The following DLGAP2 variants were observed in gnomAD, a reference collection of about 807,000 sequenced individuals.
DLGAP2 encodes disks large-associated protein 2.
Under a neutral mutation model 100.3 loss-of-function variants are expected in DLGAP2, and 26 were observed. That is an observed-to-expected ratio of 0.26 (90% CI 0.19 to 0.36). The LOEUF (loss-of-function observed/expected upper bound fraction) is 0.36, where lower values mean the gene tolerates loss of function less well. DLGAP2 is among the 10% of genes least tolerant of loss of function. The pLI, the probability that DLGAP2 is intolerant of heterozygous loss-of-function variation, is 1.00. For missense variants in DLGAP2, 1,858 were observed against 1,453.2 expected (o/e 1.28, Z -4.53); for synonymous variants, 886 against 630.1 (o/e 1.41, Z -6.08).
At chr8:1,242,230 C>T (rs1798812308) in intron 2 of DLGAP2, among the ~76,000 whole-genome samples, 1 of 152,120 alleles carries the variant, frequency 6.6e-6, no homozygotes, top group Non-Finnish European at 1.5e-5. Flanking sequence ...CTGAGAGAGG[C>T]CTGATGTGTT....
intron 3 of DLGAP2, among the ~76,000 whole-genome samples, chr8:1,280,294 G>C (rs752434542): frequency 6.6e-5 from 10 of 152,158 alleles, no homozygotes; most frequent in Non-Finnish European, 1.2e-4. Flanking sequence ...TAGCCGGGCT[G>C]TACTCGTAAC....
intron 4 of DLGAP2, among the ~76,000 whole-genome samples, chr8:1,535,018 GTTCAT>G (rs1554492657): frequency 6.6e-6 from 1 of 152,218 alleles, no homozygotes; most frequent in Non-Finnish European, 1.5e-5. Flanking sequence ...TGTCCCAAGC[GTTCAT>G]TTCATTAAGC....
chr8:1,683,941 T>TAC lies in DLGAP2; in HGVS notation c.2704+5313_2704+5314insCA, dbSNP rs1381082641. Among the ~76,000 whole-genome samples the TAC allele has an allele frequency of 1.4e-4, 9 of 66,306 alleles. No homozygotes were observed. The East Asian group carries it at 1.4e-3, about 10-fold the overall frequency. The allele number at this position is 66,306 out of a possible 152,430, so 43.5% of individuals were successfully genotyped here. A position where few individuals can be genotyped will look rare whatever the true frequency, so the allele number is the denominator to read the frequency against. On this transcript the variant is annotated intron_variant, in intron 12 of 14. Transcript: ENST00000637795. ...ATATATATGTGTGTATATATGTGTA[T>TAC]ATATATATGTGTGTATATATATATA...
Position 1,320,819 on chromosome 8 carries a change from A to T in DLGAP2, c.106+61936A>T, listed in dbSNP as rs6992881. On this transcript the variant is annotated intron_variant, in intron 3 of 14. Transcript: ENST00000637795. ...GACAGCCAAGGCTGGAGGTGCTGCC[A>T]CCTGTGTGTGTCTGTGTGTGCACGT... Among the ~76,000 whole-genome samples the T allele has an allele frequency of 7.4e-3, 1,131 of 152,156 alleles. 20 individuals carry two copies. Among genetic ancestry groups the T allele is most frequent in the African/African-American group, 0.026 (1,074 of 41,510 alleles).
At chr8:1,605,231 GA>G (rs1177291377) in intron 6 of DLGAP2, among the ~76,000 whole-genome samples, 9 of 152,086 alleles carry the variant, frequency 5.9e-5, no homozygotes, top group African/African-American at 2.2e-4. Context: ...CCCAGATCCG[GA>G]CCTCCTGACC....
At chr8:1,174,777 C>G (rs949996489) in intron 2 of DLGAP2, among the ~76,000 whole-genome samples, 5 of 152,184 alleles carry the variant, frequency 3.3e-5, no homozygotes, top group African/African-American at 1.2e-4. Context: ...TCATTGTCAT[C>G]ATCACCACCA....
intron 3 of DLGAP2, among the ~76,000 whole-genome samples, chr8:1,412,140 C>T (rs746051698): frequency 5.3e-5 from 8 of 152,232 alleles, no homozygotes; most frequent in Non-Finnish European, 7.3e-5. Context: ...CCCTCCTCCT[C>T]ACCTGTGCTC....
intron 2 of DLGAP2, among the ~76,000 whole-genome samples, chr8:1,184,613 G>A (rs1797460411): frequency 6.6e-6 from 1 of 152,200 alleles, no homozygotes; most frequent in South Asian, 2.1e-4. Context: ...CCAGGCAGAT[G>A]CCGAGCCTGG....
intron 1 of DLGAP2, among the ~76,000 whole-genome samples, chr8:790,124 G>T (rs1821989070): frequency 6.6e-6 from 1 of 152,200 alleles, no homozygotes; most frequent in Non-Finnish European, 1.5e-5. Flanking sequence ...AGGAGAAAAG[G>T]TCACCTTGGA....
intron 2 of DLGAP2, among the ~76,000 whole-genome samples, chr8:1,132,417 T>C (rs1361674695): frequency 6.6e-6 from 1 of 152,212 alleles, no homozygotes; most frequent in Non-Finnish European, 1.5e-5. Flanking sequence ...AAGCTACTTG[T>C]CTTTCCTGGG....
chr8:1,548,220 G>T (rs1801608051), intron 4 of DLGAP2, among the ~76,000 whole-genome samples: 1 of 152,062 alleles, frequency 6.6e-6, no homozygotes, highest in Non-Finnish European at 1.5e-5. Flanking sequence ...AGGACTTTGG[G>T]AGGCTGAGGC....
At chr8:1,595,740 C>T (rs1796437254) in intron 6 of DLGAP2, among the ~76,000 whole-genome samples, 1 of 144,876 alleles carries the variant, frequency 6.9e-6, no homozygotes, top group South Asian at 2.1e-4. Flanking sequence ...CCCAGTTACT[C>T]CCTTCTTCCC....
chr8:1,584,152 A>C (rs1051672931), intron 6 of DLGAP2, among the ~76,000 whole-genome samples: 4 of 152,160 alleles, frequency 2.6e-5, no homozygotes, highest in Non-Finnish European at 5.9e-5. Context: ...TGTGCTCCTC[A>C]CACACTGGAT....
chr8:1,349,550 A>G (rs1801655940), intron 3 of DLGAP2, among the ~76,000 whole-genome samples: 1 of 146,220 alleles, frequency 6.8e-6, no homozygotes, highest in South Asian at 2.2e-4. Context: ...TCCCGCCCAC[A>G]TCCACACACA....
intron 2 of DLGAP2, among the ~76,000 whole-genome samples, chr8:1,255,862 G>A (rs1414890212): frequency 8.1e-6 from 1 of 122,774 alleles, no homozygotes; most frequent in Non-Finnish European, 1.6e-5. Context: ...CCTGGGTGCC[G>A]TGTGTGTGTC....
intron 1 of DLGAP2, chr8:892,938 C>G (rs1057092306): frequency 6.8e-6 from 1 of 146,522 alleles, no homozygotes; most frequent in Non-Finnish European, 1.5e-5. Context: ...GAATCCCGTG[C>G]CTCCTGGTCT....
chr8:1,138,095 T>C (rs1287265010), intron 2 of DLGAP2, among the ~76,000 whole-genome samples: 1 of 152,220 alleles, frequency 6.6e-6, no homozygotes, highest in Non-Finnish European at 1.5e-5. Context: ...GGATGGCAGC[T>C]CTTAATCCCT....
At chr8:922,283 T>G (rs1464956336) in intron 2 of DLGAP2, among the ~76,000 whole-genome samples, 1 of 152,198 alleles carries the variant, frequency 6.6e-6, no homozygotes, top group African/African-American at 2.4e-5. Flanking sequence ...CTGCTCACTT[T>G]ATTCTGAGAG....
At chr8:1,112,186 C>T (rs1804978032) in intron 2 of DLGAP2, among the ~76,000 whole-genome samples, 2 of 148,904 alleles carry the variant, frequency 1.3e-5, no homozygotes, top group Non-Finnish European at 3.0e-5. Context: ...TCATATGCTT[C>T]TTGGCCACAT....
Sources: allele counts gnomAD v4.1 joint callset (sites outside exome capture counted in the v4.1 genomes callset), GRCh38; gene constraint gnomAD v4.1.1; transcripts MANE v1.5; gene names NCBI Gene and HGNC (gene_info 2026-07-23, HGNC 2026-07-21).